The following MACROD1 variants were observed in gnomAD, a reference collection of about 807,000 sequenced individuals.
MACROD1 encodes ADP-ribose glycohydrolase MACROD1.
MACROD1 carries 31 observed loss-of-function variants against 41.4 expected under a neutral mutation model. The ratio of observed to expected loss-of-function variants is 0.75; its 90% CI spans 0.56 to 1.01. The LOEUF (loss-of-function observed/expected upper bound fraction) is 1.01, where lower values mean the gene tolerates loss of function less well. MACROD1 is among the 50% of genes least tolerant of loss of function. The probability of loss-of-function intolerance (pLI) is 0.00; values close to 1 mark genes in which losing one functional copy is unlikely to be tolerated. For missense variants in MACROD1, 473 were observed against 460.0 expected (o/e 1.03, Z -0.26); for synonymous variants, 252 against 203.4 (o/e 1.24, Z -2.03).
chr11:64,000,275 T>TA lies in MACROD1; in HGVS notation c.615dup (p.Lys206Ter). 6.2e-7 allele frequency: 1 copy of TA among 1,605,270 alleles called. No individual in the cohort carries two copies. Among genetic ancestry groups the TA allele is most frequent in the Non-Finnish European group, 8.5e-7 (1 of 1,176,568 alleles). On this transcript the variant is annotated frameshift_variant, in exon 5 of 11. Coordinates refer to ENST00000255681, the MANE Select transcript of MACROD1 (RefSeq NM_014067.4). LOFTEE classifies it high-confidence loss of function. ...CCGGTGATCTTGGCCTTGCCAGTCT[T>TA]ACAGCTCTGCAGGGTCCGGCACTCG...
intron 3 of MACROD1, among the ~76,000 whole-genome samples, chr11:64,079,861 G>C (rs1944273424): frequency 6.6e-6 from 1 of 152,164 alleles, no homozygotes; most frequent in Middle Eastern, 3.2e-3. Flanking sequence ...AACAGCTCCA[G>C]AGTGAGGGAG....
rs907684035 is a variant in MACROD1, at chr11:64,090,892, G to A, written c.517+60347C>T. On this transcript the variant is annotated intron_variant, in intron 3 of 10. Coordinates refer to ENST00000255681, the MANE Select transcript of MACROD1 (RefSeq NM_014067.4). The surrounding 1 kb of genome is among the most constrained non-coding windows in gnomAD (Gnocchi z 4.7). Reference sequence around the variant, plus strand: ...GACGAAGTAAAGCAGGAGAGGGCAGGGGGAGGGACAGCCAGGGTGGTCACA... The same window carrying A: ...GACGAAGTAAAGCAGGAGAGGGCAGAGGGAGGGACAGCCAGGGTGGTCACA... Among the ~76,000 whole-genome samples, 2 of 152,214 alleles carry A rather than the reference G, an allele frequency of 1.3e-5. No individual in the cohort carries two copies. The highest frequency in any genetic ancestry group is 3.4e-3 in the Middle Eastern group (1 of 294).
intron 3 of MACROD1, chr11:64,118,330 T>C: frequency 6.6e-7 from 1 of 1,515,740 alleles, no homozygotes; most frequent in Admixed American, 2.1e-5. Flanking sequence ...CAGCCCCAGC[T>C]GCCCTGGCGT....
intron 3 of MACROD1, chr11:64,138,555 C>T (rs989909924): frequency 9.1e-5 from 90 of 985,256 alleles, no homozygotes; most frequent in Non-Finnish European, 1.1e-4. Flanking sequence ...TGAAATACAG[C>T]CAGGCGGCAA....
chr11:64,128,871 G>T (rs1453600274), intron 3 of MACROD1, among the ~76,000 whole-genome samples: 1 of 152,174 alleles, frequency 6.6e-6, no homozygotes. Context: ...AGGAGGCCCC[G>T]TAAACAGGAA....
chr11:63,999,469 G>T, intron 7 of MACROD1, 61 bp downstream of exon 7: 1 of 1,566,916 alleles, frequency 6.4e-7, no homozygotes. Context: ...GTCCGCCCCG[G>T]CCCCTCCCGG....
Position 64,015,327 on chromosome 11 carries a change from G to A in MACROD1, c.518-46C>T, listed in dbSNP as rs11821603. On this transcript the variant is annotated intron_variant, in intron 3 of 10. Transcript: ENST00000255681. Reference sequence around the variant, plus strand: ...GGCAGATCAGTGGGGAAGGGGCTGCGGCGGGAGTATCAGCCTTGAGGGGAG... The same window carrying A: ...GGCAGATCAGTGGGGAAGGGGCTGCAGCGGGAGTATCAGCCTTGAGGGGAG... 1,060 of 1,571,284 alleles carry A rather than the reference G, an allele frequency of 6.7e-4. 12 individuals carry two copies. The African/African-American group carries it at 0.013, about 19-fold the overall frequency.
At chr11:64,060,005 G>A (rs1168055269) in intron 3 of MACROD1, among the ~76,000 whole-genome samples, 2 of 152,282 alleles carry the variant, frequency 1.3e-5, no homozygotes, top group African/African-American at 2.4e-5. Flanking sequence ...GGTGCGGGAC[G>A]TCCAGGGGCC....
intron 3 of MACROD1, among the ~76,000 whole-genome samples, chr11:64,039,049 G>A (rs1943435428): frequency 6.6e-6 from 1 of 152,170 alleles, no homozygotes; most frequent in Non-Finnish European, 1.5e-5. Context: ...GCTTCTTCAG[G>A]CCTTGGGGTG....
chr11:64,039,866 G>T (rs1238378510), intron 3 of MACROD1, among the ~76,000 whole-genome samples: 3 of 152,208 alleles, frequency 2.0e-5, no homozygotes, highest in Non-Finnish European at 4.4e-5. Context: ...CAGAGCTGGT[G>T]GCTAGTGAGG....
chr11:64,023,267 T>C (rs1461151632), intron 3 of MACROD1, among the ~76,000 whole-genome samples: 2 of 152,050 alleles, frequency 1.3e-5, no homozygotes, highest in East Asian at 3.9e-4. Flanking sequence ...GGCCACAGAC[T>C]TCAGTGGGAG....
intron 3 of MACROD1, among the ~76,000 whole-genome samples, chr11:64,097,026 G>A (rs774277115): frequency 2.6e-5 from 4 of 152,174 alleles, no homozygotes; most frequent in Non-Finnish European, 5.9e-5. Context: ...CACTCCAGGC[G>A]GATGAGAACT....
chr11:64,077,659 G>T (rs1228252672), intron 3 of MACROD1, among the ~76,000 whole-genome samples: 2 of 152,104 alleles, frequency 1.3e-5, no homozygotes, highest in Non-Finnish European at 2.9e-5. Context: ...GCACATGCTG[G>T]CACACCCCCA....
At chr11:64,137,576 A>G (rs556966386) in intron 3 of MACROD1, among the ~76,000 whole-genome samples, 1 of 152,176 alleles carries the variant, frequency 6.6e-6, no homozygotes, top group East Asian at 1.9e-4. Context: ...TGCTCAGCCT[A>G]GTTTTGAGGT....
intron 3 of MACROD1, among the ~76,000 whole-genome samples, chr11:64,088,850 C>T (rs567542821): frequency 6.6e-6 from 1 of 152,200 alleles, no homozygotes; most frequent in Non-Finnish European, 1.5e-5. Context: ...TTGGCAGGGG[C>T]ACTAGGCAGG....
chr11:64,008,748 C>T (rs192080324), intron 4 of MACROD1, among the ~76,000 whole-genome samples: 2 of 152,272 alleles, frequency 1.3e-5, no homozygotes, highest in African/African-American at 4.8e-5. Context: ...CAGGCAGGCT[C>T]GGCTCCTGCA....
chr11:64,110,879 G>A (rs966458519), intron 3 of MACROD1, among the ~76,000 whole-genome samples: 17 of 152,162 alleles, frequency 1.1e-4, no homozygotes, highest in East Asian at 7.7e-4. Context: ...CTGGTGAGGC[G>A]TGCTATCTTC....
intron 4 of MACROD1, among the ~76,000 whole-genome samples, chr11:64,003,585 C>A (rs1942861700): frequency 6.6e-6 from 1 of 152,180 alleles, no homozygotes; most frequent in South Asian, 2.1e-4. Context: ...CCCCCCATGG[C>A]CTTTGTCAGC....
At chr11:64,072,527 C>T (rs1020542364) in intron 3 of MACROD1, among the ~76,000 whole-genome samples, 14 of 152,226 alleles carry the variant, frequency 9.2e-5, no homozygotes, top group African/African-American at 2.7e-4. Context: ...CCCGTGAACC[C>T]GCCACAGAAA....
Sources: allele counts gnomAD v4.1 joint callset (sites outside exome capture counted in the v4.1 genomes callset), GRCh38; gene constraint gnomAD v4.1.1; non-coding constraint Gnocchi (gnomAD v3.1); transcripts MANE v1.5; gene names NCBI Gene and HGNC (gene_info 2026-07-23, HGNC 2026-07-21).